Variants in CYP2C18 observed in about 807,000 individuals in gnomAD.
The protein encoded by CYP2C18 is cytochrome P450 family 2 subfamily C member 18, also known as cytochrome P450 2C18.
In CYP2C18, 38 loss-of-function variants were observed where a neutral mutation model predicts 41.3. That is an observed-to-expected ratio of 0.92 (90% CI 0.71 to 1.21). The LOEUF is 1.21. CYP2C18 is among the 50% of genes most tolerant of loss of function. CYP2C18 has a pLI of 0.00. For synonymous variants in CYP2C18, 236 were observed against 210.0 expected, an observed-to-expected ratio of 1.12 and a Z score of -1.07; for missense variants, 635 against 591.4, an observed-to-expected ratio of 1.07 and a Z score of -0.77.
chr10:94,686,267 A>T (rs1392826337), intron 1 of CYP2C18, among the ~76,000 whole-genome samples: 2 of 152,136 alleles, frequency 1.3e-5, no homozygotes, highest in East Asian at 1.9e-4. Context: ...GAATTTGTTT[A>T]TCAGTTCTAG....
intron 6 of CYP2C18, among the ~76,000 whole-genome samples, chr10:94,721,337 C>G (rs1847641564): frequency 6.6e-6 from 1 of 151,976 alleles, no homozygotes; most frequent in Non-Finnish European, 1.5e-5. Flanking sequence ...ATAGATCTTC[C>G]CTTATTCTGA....
intron 7 of CYP2C18, among the ~76,000 whole-genome samples, chr10:94,725,601 A>G (rs1362386626): frequency 6.6e-6 from 1 of 152,086 alleles, no homozygotes; most frequent in Non-Finnish European, 1.5e-5. Context: ...TTTTATGTAT[A>G]TTTTCATAAG....
At chr10:94,709,462 A>T (rs1298779283) in intron 5 of CYP2C18, among the ~76,000 whole-genome samples, 2 of 149,484 alleles carry the variant, frequency 1.3e-5, no homozygotes, top group Non-Finnish European at 2.9e-5. Context: ...TTATATTTTT[A>T]AAATTATTGA....
intron 4 of CYP2C18, 144 bp downstream of exon 4, chr10:94,695,221 C>T (rs1442710818): frequency 2.8e-6 from 2 of 711,768 alleles, no homozygotes; most frequent in African/African-American, 3.6e-5. Flanking sequence ...TATACATGTG[C>T]CATGGTGGTT....
chr10:94,686,522 A>C (rs947602452), intron 1 of CYP2C18, among the ~76,000 whole-genome samples: 2 of 152,178 alleles, frequency 1.3e-5, no homozygotes, highest in Non-Finnish European at 2.9e-5. Flanking sequence ...TTAGCTTTTC[A>C]CCATTAAATA....
At chr10:94,732,163 A>G (rs181099966) in intron 7 of CYP2C18, among the ~76,000 whole-genome samples, 1 of 152,228 alleles carries the variant, frequency 6.6e-6, no homozygotes. Flanking sequence ...AAAAAGTAAA[A>G]TACATGAACA....
At chr10:94,685,846 T>G (rs1846877654) in intron 1 of CYP2C18, among the ~76,000 whole-genome samples, 1 of 152,182 alleles carries the variant, frequency 6.6e-6, no homozygotes, top group Admixed American at 6.5e-5. Flanking sequence ...AGCTTTATTC[T>G]TTTTGATTAA....
At chr10:94,732,408 T>C (rs1331243077) in intron 7 of CYP2C18, among the ~76,000 whole-genome samples, 1 of 152,130 alleles carries the variant, frequency 6.6e-6, no homozygotes, top group Non-Finnish European at 1.5e-5. Flanking sequence ...TGGAAAGCAG[T>C]TTGGAGGTTT....
intron 7 of CYP2C18, among the ~76,000 whole-genome samples, chr10:94,727,252 C>T (rs1442423472): frequency 6.6e-6 from 1 of 152,076 alleles, no homozygotes; most frequent in African/African-American, 2.4e-5. Flanking sequence ...TTTGGCTAAA[C>T]ATTTACTTGC....
intron 4 of CYP2C18, among the ~76,000 whole-genome samples, chr10:94,703,177 G>A (rs1847277258): frequency 6.6e-6 from 1 of 152,200 alleles, no homozygotes; most frequent in African/African-American, 2.4e-5. Context: ...GTCAAACCGT[G>A]CTGGGAGGTG....
intron 7 of CYP2C18, chr10:94,728,695 C>T: frequency 1.6e-6 from 1 of 641,494 alleles, no homozygotes; most frequent in Non-Finnish European, 1.9e-6. Flanking sequence ...TAGATCAGAC[C>T]TCCATTTTAA....
At chr10:94,711,275 G>C (rs1338120510) in intron 5 of CYP2C18, among the ~76,000 whole-genome samples, 1 of 151,774 alleles carries the variant, frequency 6.6e-6, no homozygotes, top group African/African-American at 2.4e-5. Flanking sequence ...CTCACATCTG[G>C]AATATAATAA....
intron 4 of CYP2C18, among the ~76,000 whole-genome samples, chr10:94,699,348 C>T (rs956623365): frequency 4.6e-5 from 7 of 152,136 alleles, no homozygotes; most frequent in Non-Finnish European, 1.0e-4. Context: ...TAAACGTAAT[C>T]CAGCATATAA....
intron 3 of CYP2C18, among the ~76,000 whole-genome samples, chr10:94,692,250 G>A (rs1187056487): frequency 6.6e-6 from 1 of 151,828 alleles, no homozygotes; most frequent in African/African-American, 2.4e-5. Context: ...CTACTGAATG[G>A]GAGAAAAATT....
At chr10:94,691,004 G>C (rs189478913) in intron 3 of CYP2C18, among the ~76,000 whole-genome samples, 29 of 152,220 alleles carry the variant, frequency 1.9e-4, no homozygotes, top group African/African-American at 6.0e-4. Flanking sequence ...AATAAATTAG[G>C]TATTGATAGG....
Position 94,687,910 on chromosome 10 carries a change from T to A in CYP2C18, c.309T>A (p.Ala103=), listed in dbSNP as rs1338901644. The A allele has an allele frequency of 6.2e-7, 1 of 1,613,612 alleles. No individual in the cohort carries two copies. The highest frequency in any genetic ancestry group is 8.5e-7 in the Non-Finnish European group (1 of 1,179,766). Residue 103 remains alanine (A), a synonymous_variant, in exon 2 of 9, where the codon GCT becomes GCA. Transcript: ENST00000285979. ...CTGGAAGAGGAAGTTTTCCAGTGGC[T>A]GAAAAAGTTAACAAAGGACTTGGTA... The part of the protein sequence containing the change: ...EFSGRGSFPV[A]EKVNKGLGIL...
At chr10:94,687,192 CCTT>C (rs1846903450) in intron 1 of CYP2C18, among the ~76,000 whole-genome samples, 1 of 152,182 alleles carries the variant, frequency 6.6e-6, no homozygotes, top group Non-Finnish European at 1.5e-5. Context: ...GATCCACTCT[CCTT>C]CTGTGGTGAT....
intron 3 of CYP2C18, among the ~76,000 whole-genome samples, chr10:94,693,033 G>C (rs1283799118): frequency 1.3e-5 from 2 of 152,054 alleles, no homozygotes; most frequent in Non-Finnish European, 2.9e-5. Context: ...GAAGGGGGGA[G>C]GGATAGCATT....
rs1847084609 is a variant in CYP2C18 at position 94,694,921 on chromosome 10, A to G, written c.486A>G (p.Ser162=). 1 of 1,611,718 alleles carries G rather than the reference A, an allele frequency of 6.2e-7. No homozygotes were observed. The highest frequency in any genetic ancestry group is 2.2e-5 in the East Asian group (1 of 44,828). ...AAAATATTTCCAATCCTTTAGCCTC[A>G]CCCTGTGATCCCACTTTCATCCTGG... ...LVEELRKTNA[S]PCDPTFILGC... is the part of the protein sequence containing the mutation. Residue 162 remains serine (S), a synonymous_variant, in exon 4 of 9, where the codon TCA becomes TCG. Coordinates refer to ENST00000285979, the MANE Select transcript of CYP2C18 (RefSeq NM_000772.3).
Sources: allele counts gnomAD v4.1 joint callset (sites outside exome capture counted in the v4.1 genomes callset), GRCh38; gene constraint gnomAD v4.1.1; transcripts MANE v1.5; gene names NCBI Gene and HGNC (gene_info 2026-07-23, HGNC 2026-07-21).